ADAM12: variants seen among roughly 807,000 people sequenced by gnomAD.
ADAM12 encodes the protein ADAM metallopeptidase domain 12, also known as disintegrin and metalloproteinase domain-containing protein 12.
A neutral mutation model predicts 106.4 loss-of-function variants in ADAM12; 70 were observed. The ratio of observed to expected loss-of-function variants is 0.66; its 90% confidence interval spans 0.54 to 0.80. The LOEUF (loss-of-function observed/expected upper bound fraction) is 0.80. ADAM12 is among the 30% of genes least tolerant of loss of function. The probability of loss-of-function intolerance (pLI) is 0.00; values close to 1 mark genes in which losing one functional copy is unlikely to be tolerated. For synonymous variants in ADAM12, 420 were observed against 433.5 expected (o/e 0.97, Z 0.39); for missense variants, 1,010 against 1,171.9 (o/e 0.86, Z 2.02).
At chr10:126,355,455 T>A (rs1345109520) in intron 1 of ADAM12, among the ~76,000 whole-genome samples, 1 of 152,188 alleles carries the variant, frequency 6.6e-6, no homozygotes. Flanking sequence ...GACAGGAACA[T>A]GTGGGTCAAA....
intron 14 of ADAM12, among the ~76,000 whole-genome samples, chr10:126,050,518 C>A (rs1954454035): frequency 6.6e-6 from 1 of 152,212 alleles, no homozygotes; most frequent in Non-Finnish European, 1.5e-5. Flanking sequence ...TGATTGGTGT[C>A]CTGTTTGGCA....
chr10:126,338,310 T>C (rs1281850534), intron 1 of ADAM12, among the ~76,000 whole-genome samples: 3 of 137,014 alleles, frequency 2.2e-5, no homozygotes, highest in Non-Finnish European at 4.6e-5. Flanking sequence ...TGGAGTGCAG[T>C]GGCGGGATCT....
intron 21 of ADAM12, among the ~76,000 whole-genome samples, chr10:126,026,362 C>A (rs1299642169): frequency 6.6e-6 from 1 of 151,810 alleles, no homozygotes; most frequent in Non-Finnish European, 1.5e-5. Context: ...ACTTTAACAC[C>A]CACCTGACAA....
At chr10:126,230,474 T>C (rs1297239363) in intron 3 of ADAM12, among the ~76,000 whole-genome samples, 5 of 152,218 alleles carry the variant, frequency 3.3e-5, no homozygotes, top group Non-Finnish European at 5.9e-5. Flanking sequence ...TATGTATTTC[T>C]AAACTGCTCT....
chr10:126,340,388 T>C (rs1266921355), intron 1 of ADAM12, among the ~76,000 whole-genome samples: 1 of 152,202 alleles, frequency 6.6e-6, no homozygotes, highest in East Asian at 1.9e-4. Flanking sequence ...TTACCTTGTT[T>C]AAACCCAACA....
rs972274950 is a variant in ADAM12, at chr10:126,049,809, T to C, written c.1610-140A>G. Reference sequence around the variant, plus strand: ...GTCTGTCCCGACTCATGGTGGGAGCTGGCCAGGGGAAGCCTAGGGTGTCAG... The same window carrying C: ...GTCTGTCCCGACTCATGGTGGGAGCCGGCCAGGGGAAGCCTAGGGTGTCAG... On this transcript the variant is annotated intron_variant, in intron 14 of 22. Transcript: ENST00000448723. The surrounding 1 kb of genome is among the most constrained non-coding windows in gnomAD (Gnocchi z 4.4). 8.7e-5 allele frequency: 66 copies of C among 755,608 alleles called. No individual in the cohort carries two copies. The highest frequency in any genetic ancestry group is 6.7e-4 in the African/African-American group (38 of 56,700). 46.8% of individuals were successfully genotyped at this position (755,608 alleles called of 1,614,324 possible).
intron 3 of ADAM12, among the ~76,000 whole-genome samples, chr10:126,248,793 C>G (rs1958684553): frequency 6.6e-6 from 1 of 151,992 alleles, no homozygotes; most frequent in Non-Finnish European, 1.5e-5. Context: ...GTAACCTCCG[C>G]CTCCTGGGTT....
intron 19 of ADAM12, among the ~76,000 whole-genome samples, chr10:126,038,960 T>TTC (rs1435422414): frequency 7.5e-6 from 1 of 133,122 alleles, no homozygotes; most frequent in Non-Finnish European, 1.6e-5. Context: ...TTCTTTTTTT[T>TTC]TTTTTTTTTT....
chr10:126,138,169 C>G (rs1373167791), intron 4 of ADAM12, among the ~76,000 whole-genome samples: 1 of 152,142 alleles, frequency 6.6e-6, no homozygotes, highest in Non-Finnish European at 1.5e-5. Context: ...GGGATCTTTT[C>G]ATGTGTTTAT....
intron 1 of ADAM12, among the ~76,000 whole-genome samples, chr10:126,378,825 G>T (rs1296447650): frequency 6.6e-6 from 1 of 152,186 alleles, no homozygotes; most frequent in Non-Finnish European, 1.5e-5. Flanking sequence ...AGAAATGAAT[G>T]ATGGGGCCAG....
chr10:126,080,427 G>A (rs1369342350), intron 11 of ADAM12, among the ~76,000 whole-genome samples: 5 of 152,144 alleles, frequency 3.3e-5, no homozygotes, highest in African/African-American at 9.7e-5. Context: ...AGAGACTGGT[G>A]CAAAGCAATA....
intron 3 of ADAM12, among the ~76,000 whole-genome samples, chr10:126,166,670 T>C (rs993758095): frequency 6.6e-6 from 1 of 152,128 alleles, no homozygotes; most frequent in Non-Finnish European, 1.5e-5. Flanking sequence ...AGGTAATTTT[T>C]GTATTTTTAG....
chr10:126,022,145 G>C (rs1254835394), intron 21 of ADAM12, among the ~76,000 whole-genome samples: 1 of 152,200 alleles, frequency 6.6e-6, no homozygotes, highest in East Asian at 1.9e-4. Flanking sequence ...GGAAACATAG[G>C]AGATAGTTAG....
rs531191133 is a variant in ADAM12 at position 126,064,737 on chromosome 10, A to T, written c.1609+69T>A. On this transcript the variant is annotated intron_variant, in intron 14 of 22. Coordinates refer to ENST00000448723, the MANE Select transcript of ADAM12 (RefSeq NM_001288973.2). The surrounding 1 kb of genome is among the most constrained non-coding windows in gnomAD (Gnocchi z 4.4). Reference sequence around the variant, plus strand: ...GTGGGGGCTAACCAAAACAGAGCACATGCCCCCAGTCCCACAGCCCAGGTC... The same window carrying T: ...GTGGGGGCTAACCAAAACAGAGCACTTGCCCCCAGTCCCACAGCCCAGGTC... 6.8e-6 allele frequency: 10 copies of T among 1,478,690 alleles called. No individual in the cohort carries two copies. The highest frequency in any genetic ancestry group is 9.1e-6 in the Non-Finnish European group (10 of 1,101,202). The allele number at this position is 1,478,690 out of a possible 1,614,324, so 91.6% of individuals were successfully genotyped here.
At chr10:126,116,260 G>A (rs1446091640) in intron 6 of ADAM12, among the ~76,000 whole-genome samples, 3 of 152,278 alleles carry the variant, frequency 2.0e-5, no homozygotes, top group East Asian at 1.9e-4. Flanking sequence ...ATCTTGTAAC[G>A]TGGGCAACGT....
intron 1 of ADAM12, among the ~76,000 whole-genome samples, chr10:126,338,705 T>C (rs1055060587): frequency 6.6e-6 from 1 of 152,196 alleles, no homozygotes; most frequent in African/African-American, 2.4e-5. Context: ...GCCCTTTGCA[T>C]GTCAAATACA....
At chr10:126,286,958 C>T (rs2133770659) in intron 2 of ADAM12, among the ~76,000 whole-genome samples, 1 of 152,306 alleles carries the variant, frequency 6.6e-6, no homozygotes, top group East Asian at 1.9e-4. Flanking sequence ...CACTGTGTTT[C>T]TGCAGCATGA....
intron 3 of ADAM12, among the ~76,000 whole-genome samples, chr10:126,254,191 G>T (rs11244907): frequency 6.6e-6 from 1 of 152,160 alleles, no homozygotes; most frequent in Non-Finnish European, 1.5e-5. Context: ...GGGTCTGCAG[G>T]CAGCCTCCCT....
chr10:126,335,732 G>T (rs540547569), intron 1 of ADAM12, among the ~76,000 whole-genome samples: 1 of 152,100 alleles, frequency 6.6e-6, no homozygotes, highest in Non-Finnish European at 1.5e-5. Flanking sequence ...GCTGAAAAAA[G>T]TAACTTTATA....
Sources: allele counts gnomAD v4.1 joint callset (sites outside exome capture counted in the v4.1 genomes callset), GRCh38; gene constraint gnomAD v4.1.1; non-coding constraint Gnocchi (gnomAD v3.1); transcripts MANE v1.5; gene names NCBI Gene and HGNC (gene_info 2026-07-23, HGNC 2026-07-21).